FNDC3B: variants seen among roughly 807,000 people sequenced by gnomAD.
The protein encoded by FNDC3B is fibronectin type III domain containing 3B.
In FNDC3B, 12 loss-of-function variants were observed where a neutral mutation model predicts 151.5. That is an observed-to-expected ratio of 0.08 (90% CI 0.05 to 0.13). FNDC3B has a LOEUF of 0.13. Ranked by LOEUF, FNDC3B falls within the 10% of genes least tolerant of loss-of-function variation. The pLI is 1.00. For missense variants in FNDC3B, 1,214 were observed against 1,505.3 expected (o/e 0.81, Z 3.20); for synonymous variants, 528 against 549.0 (o/e 0.96, Z 0.54).
intron 1 of FNDC3B, among the ~76,000 whole-genome samples, chr3:172,069,657 C>T (rs1413697885): frequency 6.6e-6 from 1 of 152,130 alleles, no homozygotes; most frequent in Non-Finnish European, 1.5e-5. Context: ...CAGTCCAGTG[C>T]CCTTTTGATG....
At chr3:172,126,503 A>G (rs1407529079) in intron 2 of FNDC3B, among the ~76,000 whole-genome samples, 8 of 152,224 alleles carry the variant, frequency 5.3e-5, no homozygotes, top group Admixed American at 5.2e-4. Flanking sequence ...AAATCTAGAA[A>G]GGAAAATCTT....
In FNDC3B at chr3:172,125,582, A is replaced by G. The variant is rs143802132; in HGVS notation, c.112-7889A>G. ...TTCCCAAACCCCGTCCTTCATTTCCATTAAAAAATTGCATCACCCTAGATG... is the reference window on the plus strand; with the variant it reads ...TTCCCAAACCCCGTCCTTCATTTCCGTTAAAAAATTGCATCACCCTAGATG... On this transcript the variant is annotated intron_variant, in intron 2 of 25. Coordinates refer to ENST00000415807, the MANE Select transcript of FNDC3B (RefSeq NM_022763.4). Among the ~76,000 whole-genome samples, 23 of 152,294 alleles carry G rather than the reference A, an allele frequency of 1.5e-4. No individual in the cohort carries two copies. In the East Asian group the frequency reaches 4.2e-3, roughly 28 times the overall value.
intron 11 of FNDC3B, among the ~76,000 whole-genome samples, chr3:172,320,358 T>C (rs1259883738): frequency 2.0e-5 from 3 of 151,714 alleles, no homozygotes; most frequent in Non-Finnish European, 4.4e-5. Flanking sequence ...CCAGCCTGGG[T>C]GACAGGGTGA....
intron 9 of FNDC3B, among the ~76,000 whole-genome samples, chr3:172,304,353 G>A (rs1731085010): frequency 6.6e-6 from 1 of 152,170 alleles, no homozygotes; most frequent in Non-Finnish European, 1.5e-5. Context: ...GAACATATAG[G>A]ACCTGATCTG....
intron 1 of FNDC3B, among the ~76,000 whole-genome samples, chr3:172,061,611 T>C (rs1170976685): frequency 6.6e-6 from 1 of 152,232 alleles, no homozygotes; most frequent in African/African-American, 2.4e-5. Context: ...CTTTTCCTAA[T>C]GTGTCATGTA....
In FNDC3B at chr3:172,213,365, T is replaced by C. The variant is rs1445473927; in HGVS notation, c.188-13506T>C. Among the ~76,000 whole-genome samples the C allele has an allele frequency of 2.0e-5, 3 of 152,308 alleles. No homozygotes were observed. In the East Asian group the frequency reaches 5.8e-4, roughly 29 times the overall value. On this transcript the variant is annotated intron_variant, in intron 3 of 25. Coordinates refer to ENST00000415807, the MANE Select transcript of FNDC3B (RefSeq NM_022763.4). The stretch of plus-strand genomic sequence containing the variant: ...CGCACATGGGAACATGGGGATTCTT[T>C]TACAGTTTAAGTCATGGGGAAGACA...
At chr3:172,359,235 A>T (rs891305741) in intron 22 of FNDC3B, among the ~76,000 whole-genome samples, 2 of 152,168 alleles carry the variant, frequency 1.3e-5, no homozygotes, top group African/African-American at 4.8e-5. Context: ...CTATTTTTAA[A>T]TTCTTATAAG....
In FNDC3B at chr3:172,117,756, C is replaced by CA. The variant is rs1720336773; in HGVS notation, c.111+5167dup. On this transcript the variant is annotated intron_variant, in intron 2 of 25. Transcript: ENST00000415807. The stretch of plus-strand genomic sequence containing the variant: ...TTAGATACCTCTTTGACCTGACTAG[C>CA]ATTTAGCATATGGAGGACATCGAGT... Among the ~76,000 whole-genome samples the CA allele has an allele frequency of 2.0e-5, 3 of 152,218 alleles. No individual in the cohort carries two copies. In the South Asian group the frequency reaches 6.2e-4, roughly 31 times the overall value.
At chr3:172,371,567 T>G (rs1386799380) in intron 23 of FNDC3B, among the ~76,000 whole-genome samples, 1 of 152,244 alleles carries the variant, frequency 6.6e-6, no homozygotes, top group African/African-American at 2.4e-5. Context: ...CTGTAAACTT[T>G]TAATGACCCA....
chr3:172,098,356 TG>T (rs1417919104), intron 1 of FNDC3B, among the ~76,000 whole-genome samples: 4 of 152,252 alleles, frequency 2.6e-5, no homozygotes, highest in Non-Finnish European at 4.4e-5. Context: ...ATTTCCTGCA[TG>T]TACCTGTACA....
chr3:172,152,594 T>TTTTTTTTTTTAC (rs1344984107), intron 3 of FNDC3B, among the ~76,000 whole-genome samples: 1 of 150,824 alleles, frequency 6.6e-6, no homozygotes, highest in Non-Finnish European at 1.5e-5. Context: ...TTTTTTTTTT[T>TTTTTTTTTTTAC]CTTCAAACCT....
intron 3 of FNDC3B, among the ~76,000 whole-genome samples, chr3:172,140,933 A>G (rs912980143): frequency 6.6e-6 from 1 of 152,198 alleles, no homozygotes; most frequent in Non-Finnish European, 1.5e-5. Context: ...CATCAGACTT[A>G]AGATGAATTG....
intron 1 of FNDC3B, among the ~76,000 whole-genome samples, chr3:172,067,037 C>T (rs1199228116): frequency 6.6e-6 from 1 of 152,142 alleles, no homozygotes; most frequent in Admixed American, 6.5e-5. Context: ...GCAGCTCTTC[C>T]TCCTTGCTTT....
chr3:172,227,111 A>G, intron 4 of FNDC3B, 164 bp downstream of exon 4: 2 of 562,302 alleles, frequency 3.6e-6, no homozygotes, highest in Non-Finnish European at 6.5e-6. Flanking sequence ...GTGTCTTGCC[A>G]CTTGACGTAC....
Position 172,341,214 on chromosome 3 carries a change from A to T in FNDC3B, c.1954A>T (p.Thr652Ser), listed in dbSNP as rs1161336489. 6.2e-7 allele frequency: 1 copy of T among 1,613,916 alleles called. No individual in the cohort carries two copies. Among genetic ancestry groups the T allele is most frequent in the Admixed American group, 1.7e-5 (1 of 60,022 alleles). ...CAAACTCCGAGCATGCTGCATCAGTACCGGCGGACACAGCCAGGTTGGTTT... is the reference window on the plus strand; with the variant it reads ...CAAACTCCGAGCATGCTGCATCAGTTCCGGCGGACACAGCCAGGTTGGTTT... ...LYKLRACCIS[T>S]GGHSQCSESL... Residue 652 changes from threonine (T) to serine (S), a missense_variant, in exon 17 of 26, where the codon ACC becomes TCC. By Grantham distance (58) the Thr-to-Ser change is moderately conservative. Transcript: ENST00000415807.
At chr3:172,231,788 G>A (rs1250144574) in intron 4 of FNDC3B, among the ~76,000 whole-genome samples, 1 of 151,786 alleles carries the variant, frequency 6.6e-6, no homozygotes, top group Non-Finnish European at 1.5e-5. Flanking sequence ...TTGCTTTCTG[G>A]CAGTGTGAGT....
intron 1 of FNDC3B, among the ~76,000 whole-genome samples, chr3:172,042,661 C>CAG (rs1165077927): frequency 6.6e-6 from 1 of 152,032 alleles, no homozygotes; most frequent in Non-Finnish European, 1.5e-5. Context: ...TTGAGATTTA[C>CAG]AGAGAGAGAG....
chr3:172,091,744 A>G (rs1179826362), intron 1 of FNDC3B, among the ~76,000 whole-genome samples: 1 of 152,202 alleles, frequency 6.6e-6, no homozygotes, highest in Non-Finnish European at 1.5e-5. Flanking sequence ...TTTGTAGGAA[A>G]TACCTCTTAA....
intron 1 of FNDC3B, among the ~76,000 whole-genome samples, chr3:172,108,526 G>A (rs181883597): frequency 2.0e-5 from 3 of 152,328 alleles, no homozygotes; most frequent in Admixed American, 1.3e-4. Context: ...GAGCCACCCT[G>A]TTGAGAGTTA....
Sources: gnomAD v4.1 joint callset for allele counts (sites outside exome capture counted in the v4.1 genomes callset) on GRCh38, gnomAD v4.1.1 for gene constraint, MANE v1.5 for transcripts, NCBI Gene and HGNC (gene_info 2026-07-23, HGNC 2026-07-21) for gene names.